Variants in TMEM168 observed in about 807,000 individuals in gnomAD.
TMEM168 encodes the protein transmembrane protein 168.
TMEM168 carries 40 observed loss-of-function variants against 53.2 expected under a neutral mutation model. The observed-to-expected ratio is 0.75, with a 90% CI of 0.58 to 0.98. TMEM168 has a LOEUF of 0.98. TMEM168 is among the 50% of genes least tolerant of loss of function. The pLI is 0.00. For synonymous variants in TMEM168, 282 were observed against 293.0 expected (o/e 0.96, Z 0.38); for missense variants, 771 against 828.8 (o/e 0.93, Z 0.86).
Position 112,784,915 on chromosome 7 carries a change from T to A in TMEM168, c.-90A>T. 3.5e-6 allele frequency: 4 copies of A among 1,145,152 alleles called. No homozygotes were observed. The highest frequency in any genetic ancestry group is 4.6e-6 in the Non-Finnish European group (4 of 865,236). 70.9% of individuals were successfully genotyped at this position (1,145,152 alleles called of 1,614,324 possible). A position where few individuals can be genotyped will look rare whatever the true frequency, so the allele number is the denominator to read the frequency against. ...TATCCAATGTATCCGCAACTCCTAT[T>A]TCAACATTTTCTCTTGTGGAAATTT... On this transcript the variant is annotated 5_prime_UTR_variant, in exon 2 of 5. Transcript: ENST00000312814.
At chr7:112,773,991 A>C (rs1793000797) in intron 3 of TMEM168, among the ~76,000 whole-genome samples, 1 of 152,176 alleles carries the variant, frequency 6.6e-6, no homozygotes, top group Non-Finnish European at 1.5e-5. Context: ...TCAGTTCTTA[A>C]ACCTTCAACT....
chr7:112,779,499 T>G lies in TMEM168; in HGVS notation c.1129-4181A>C, dbSNP rs558795124. 5.9e-5 allele frequency among the ~76,000 whole-genome samples: 9 copies of G among 152,342 alleles called. No individual in the cohort carries two copies. In the South Asian group the frequency reaches 1.9e-3, roughly 32 times the overall value. On this transcript the variant is annotated intron_variant, in intron 2 of 4. Transcript: ENST00000312814. Reference sequence around the variant, plus strand: ...GAAGTCATTTGTGACTTTGGAGTACTCCTTACACCTTAATTCCAAGTAACA... The same window carrying G: ...GAAGTCATTTGTGACTTTGGAGTACGCCTTACACCTTAATTCCAAGTAACA...
At chr7:112,775,357 C>T in intron 2 of TMEM168, 39 bp from the exon 3 acceptor site, 1 of 1,544,626 alleles carries the variant, frequency 6.5e-7, no homozygotes, top group Non-Finnish European at 8.9e-7. Context: ...AGTACATGTA[C>T]ATATGTGTAT....
chr7:112,772,229 C>T (rs1303279263), intron 4 of TMEM168, among the ~76,000 whole-genome samples: 1 of 152,156 alleles, frequency 6.6e-6, no homozygotes. Context: ...ACTCAATGGT[C>T]ATTTACAATT....
chr7:112,781,535 T>C (rs1357376857), intron 2 of TMEM168, among the ~76,000 whole-genome samples: 2 of 152,168 alleles, frequency 1.3e-5, no homozygotes, highest in Admixed American at 6.5e-5. Flanking sequence ...CCAGATGGCA[T>C]AGTGCTAGCA....
At position 112,790,245 on chromosome 7, in the gene TMEM168, G is replaced by C. The variant is rs944268439; in HGVS notation, c.-214C>G. The C allele has an allele frequency of 1.3e-5, 2 of 152,676 alleles. No homozygotes were observed. The highest frequency in any genetic ancestry group is 2.9e-5 in the Non-Finnish European group (2 of 68,352). The allele number at this position is 152,676 out of a possible 1,614,324, so 9.5% of individuals were successfully genotyped here. On this transcript the variant is annotated 5_prime_UTR_variant, in exon 1 of 5. Coordinates refer to ENST00000312814, the MANE Select transcript of TMEM168 (RefSeq NM_022484.6). ...ACCAAAAAGGAGGAGAGCAGACAAGGCTTCAGCCTGCGACTGAGAACAGGG... is the reference window on the plus strand; with the variant it reads ...ACCAAAAAGGAGGAGAGCAGACAAGCCTTCAGCCTGCGACTGAGAACAGGG...
At chr7:112,773,076 A>G (rs1792972523) in intron 3 of TMEM168, 21 bp from the exon 4 acceptor site, 1 of 1,573,478 alleles carries the variant, frequency 6.4e-7, no homozygotes, top group South Asian at 1.2e-5. Flanking sequence ...AGAAAAAACA[A>G]GAAGTACTCA....
chr7:112,769,174 A>C (rs1173429837), intron 4 of TMEM168, among the ~76,000 whole-genome samples: 1 of 152,166 alleles, frequency 6.6e-6, no homozygotes, highest in Non-Finnish European at 1.5e-5. Context: ...CATATTCTTT[A>C]TGTGTCATTT....
Position 112,767,074 on chromosome 7 carries a change from G to A in TMEM168, c.*123C>T. On this transcript the variant is annotated 3_prime_UTR_variant, in exon 5 of 5. Coordinates refer to ENST00000312814, the MANE Select transcript of TMEM168 (RefSeq NM_022484.6). ...CCATAATTACTTAAGAAAAGACAAA[G>A]TGAGAGCAGCTACAGAAGTAGCAAG... The A allele has an allele frequency of 1.0e-6, 1 of 979,428 alleles. No individual in the cohort carries two copies. Among genetic ancestry groups the A allele is most frequent in the Non-Finnish European group, 1.5e-6 (1 of 678,418 alleles). The allele number at this position is 979,428 out of a possible 1,614,324, so 60.7% of individuals were successfully genotyped here.
chr7:112,781,329 A>G (rs1174134004), intron 2 of TMEM168, among the ~76,000 whole-genome samples: 3 of 152,208 alleles, frequency 2.0e-5, no homozygotes, highest in East Asian at 3.8e-4. Flanking sequence ...TCAAGTGAAC[A>G]TGGAATAAAA....
rs555909033 is a variant in TMEM168, at chr7:112,790,222, C to G, written c.-191G>C. The G allele has an allele frequency of 6.5e-6, 1 of 152,684 alleles. No individual in the cohort carries two copies. Among genetic ancestry groups the G allele is most frequent in the African/African-American group, 2.4e-5 (1 of 41,582 alleles). The allele number at this position is 152,684 out of a possible 1,614,324, so 9.5% of individuals were successfully genotyped here. A position where few individuals can be genotyped will look rare whatever the true frequency, so the allele number is the denominator to read the frequency against. On this transcript the variant is annotated 5_prime_UTR_variant, in exon 1 of 5. Coordinates refer to ENST00000312814, the MANE Select transcript of TMEM168 (RefSeq NM_022484.6). ...CTCGGAGTCAGTTCCAAAACCAAAC[C>G]AAAAAGGAGGAGAGCAGACAAGGCT...
Position 112,783,984 on chromosome 7 carries a change from G to T in TMEM168, c.842C>A (p.Ser281Tyr). The change falls in exon 2 of 5, where the codon TCC becomes TAC. Residue 281 changes from serine to tyrosine, a missense_variant. Coordinates refer to ENST00000312814, the MANE Select transcript of TMEM168 (RefSeq NM_022484.6). ...GTGAGTGTCTCTAAGTTTGAATGCG[G>T]AAAGAATAAAAAATGTAAGCTCAAT... The part of the protein sequence containing the change: ...GMIELTFFIL[S>Y]AFKLRDTHLW... The T allele has an allele frequency of 6.2e-7, 1 of 1,613,082 alleles. No homozygotes were observed. The highest frequency in any genetic ancestry group is 1.1e-5 in the South Asian group (1 of 90,454).
In TMEM168 at chr7:112,783,853, C is replaced by G; in HGVS notation, c.973G>C (p.Asp325His). The change falls in exon 2 of 5, where the codon GAC becomes CAC. Residue 325 changes from aspartate to histidine, a missense_variant. Asp to His is a moderately conservative substitution (Grantham distance 81, BLOSUM62 -1). Transcript: ENST00000312814. ...TGAGTAAAATATACTTTATGGCAGT[C>G]ATTTAATTTGGTATGGAATCCCCAA... ...TLWGFHTKLN[D>H]CHKVYFTHRT... The G allele has an allele frequency of 6.2e-7, 1 of 1,605,032 alleles. No individual in the cohort carries two copies. The highest frequency in any genetic ancestry group is 8.5e-7 in the Non-Finnish European group (1 of 1,177,204).
At chr7:112,779,329 T>TA (rs1793171298) in intron 2 of TMEM168, among the ~76,000 whole-genome samples, 1 of 152,216 alleles carries the variant, frequency 6.6e-6, no homozygotes, top group East Asian at 1.9e-4. Context: ...ATTTTGGCAA[T>TA]ACAAAAATTC....
At chr7:112,787,974 C>T (rs1248926345) in intron 1 of TMEM168, among the ~76,000 whole-genome samples, 1 of 151,916 alleles carries the variant, frequency 6.6e-6, no homozygotes, top group East Asian at 1.9e-4. Context: ...TCAGGTGATC[C>T]GTCCGCCTTG....
In TMEM168 at chr7:112,764,183, T is replaced by C. The variant is rs1260780470; in HGVS notation, c.*3014A>G. On this transcript the variant is annotated 3_prime_UTR_variant, in exon 5 of 5. Transcript: ENST00000312814. ...TTAAAAAAAGAAAATAAATTCATAC[T>C]GTTTTTTTTATTCTATTGAAAAAAA... 6.6e-6 allele frequency: 1 copy of C among 151,580 alleles called. No homozygotes were observed. The highest frequency in any genetic ancestry group is 2.4e-5 in the African/African-American group (1 of 41,300). The allele number at this position is 151,580 out of a possible 1,614,324, so 9.4% of individuals were successfully genotyped here.
intron 2 of TMEM168, among the ~76,000 whole-genome samples, chr7:112,779,447 A>C (rs563215560): frequency 6.6e-6 from 1 of 152,272 alleles, no homozygotes; most frequent in South Asian, 2.1e-4. Context: ...ATTGGCCTGC[A>C]AACCTTTATT....
chr7:112,783,928 T>C lies in TMEM168; in HGVS notation c.898A>G (p.Ile300Val), dbSNP rs1232745555. ...LWYFVIPGFS[I>V]FGIFWMICHI... ...CAAATCATCCAGAAAATTCCAAAAATGGAAAAGCCAGGTATTACAAAATAC... is the reference window on the plus strand; with the variant it reads ...CAAATCATCCAGAAAATTCCAAAAACGGAAAAGCCAGGTATTACAAAATAC... Residue 300 changes from isoleucine (I) to valine (V), a missense_variant, in exon 2 of 5, where the codon ATT becomes GTT. Transcript: ENST00000312814. 1.3e-6 allele frequency: 2 copies of C among 1,597,094 alleles called. No individual in the cohort carries two copies. The highest frequency in any genetic ancestry group is 1.7e-4 in the Middle Eastern group (1 of 5,976).
rs1235063140 is a variant in TMEM168 at position 112,766,970 on chromosome 7, C to T, written c.*227G>A. The T allele has an allele frequency of 2.0e-6, 1 of 498,082 alleles. No individual in the cohort carries two copies. Among genetic ancestry groups the T allele is most frequent in the African/African-American group, 1.9e-5 (1 of 51,450 alleles). 30.9% of individuals were successfully genotyped at this position (498,082 alleles called of 1,614,324 possible). On this transcript the variant is annotated 3_prime_UTR_variant, in exon 5 of 5. Transcript: ENST00000312814. Reference sequence around the variant, plus strand: ...GAAAGTGCAGTGTTATTTTTAACGTCTCTTATGCATTTACAGTAAGCATTT... The same window carrying T: ...GAAAGTGCAGTGTTATTTTTAACGTTTCTTATGCATTTACAGTAAGCATTT...
Sources: gnomAD v4.1 joint callset for allele counts (sites outside exome capture counted in the v4.1 genomes callset) on GRCh38, gnomAD v4.1.1 for gene constraint, MANE v1.5 for transcripts, NCBI Gene and HGNC (gene_info 2026-07-23, HGNC 2026-07-21) for gene names.